Variants in AP1G1 observed in about 807,000 individuals in gnomAD.
AP1G1 encodes the protein AP-1 complex subunit gamma-1.
A neutral mutation model predicts 108.3 loss-of-function variants in AP1G1; 7 were observed. The ratio of observed to expected loss-of-function variants is 0.06; its 90% CI spans 0.04 to 0.12. AP1G1 has a LOEUF of 0.12. Ranked by LOEUF, AP1G1 falls within the 10% of genes least tolerant of loss-of-function variation. The pLI is 1.00. For missense variants in AP1G1, 756 were observed against 1,010.7 expected (o/e 0.75, Z 3.42); for synonymous variants, 379 against 353.5 (o/e 1.07, Z -0.81).
At chr16:71,788,902 C>T (rs1284193667) in intron 2 of AP1G1, among the ~76,000 whole-genome samples, 2 of 151,996 alleles carry the variant, frequency 1.3e-5, no homozygotes, top group East Asian at 3.9e-4. Context: ...AGTGATTCTC[C>T]CACTTCAGTG....
At chr16:71,761,465 C>T in intron 10 of AP1G1, 47 bp downstream of exon 10, 1 of 1,306,630 alleles carries the variant, frequency 7.7e-7, no homozygotes, top group Non-Finnish European at 1.1e-6. Flanking sequence ...TCTTAAAATA[C>T]TGGGCTTATA....
rs1041303298 is a variant in AP1G1 at position 71,745,228 on chromosome 16, G to C, written c.1915C>G (p.Pro639Ala). ...LDLLGGNDIT[P>A]VIPTAPTSKP... ...CTTGTAGGCGCAGTTGGAATAACAG[G>C]TGTTATGTCATTTCCTCCCAACAAA... The change falls in exon 19 of 23, where the codon CCT (proline) becomes GCT (alanine). Residue 639 changes from proline (P) to alanine (A), a missense_variant. By Grantham distance (27) the Pro-to-Ala change is conservative. Around this residue, in one of 3 missense-constraint regions of AP1G1, gnomAD observed 357 missense variants for 366.5 expected, o/e 0.97. Coordinates refer to ENST00000299980, the MANE Select transcript of AP1G1 (RefSeq NM_001128.6). 6.2e-6 allele frequency: 10 copies of C among 1,614,192 alleles called. No individual in the cohort carries two copies. Among genetic ancestry groups the C allele is most frequent in the Non-Finnish European group, 8.5e-6 (10 of 1,180,032 alleles).
intron 9 of AP1G1, among the ~76,000 whole-genome samples, chr16:71,763,941 T>C (rs894845177): frequency 1.3e-5 from 2 of 152,210 alleles, no homozygotes; most frequent in South Asian, 4.1e-4. Flanking sequence ...CCAGATCCTC[T>C]GGTGGATACT....
chr16:71,741,036 T>C (rs1174367284), intron 19 of AP1G1, among the ~76,000 whole-genome samples: 1 of 152,054 alleles, frequency 6.6e-6, no homozygotes, highest in African/African-American at 2.4e-5. Context: ...AACTTGACAA[T>C]CATACAATAG....
At chr16:71,772,226 G>A (rs1401419490) in intron 4 of AP1G1, among the ~76,000 whole-genome samples, 1 of 151,988 alleles carries the variant, frequency 6.6e-6, no homozygotes, top group African/African-American at 2.4e-5. Context: ...CGCCTCCTGG[G>A]TTCACATCAT....
At chr16:71,758,352 C>A (rs1272983360) in intron 11 of AP1G1, 2 of 496,690 alleles carry the variant, frequency 4.0e-6, no homozygotes, top group Admixed American at 4.1e-5. Context: ...ATACACTGTT[C>A]TAAGCAATAT....
chr16:71,753,971 G>A, intron 12 of AP1G1, 84 bp from the exon 13 acceptor site: 2 of 1,282,470 alleles, frequency 1.6e-6, no homozygotes, highest in South Asian at 2.5e-5. Context: ...CAAGCAGGGT[G>A]ACTCACACCT....
At chr16:71,762,146 T>C (rs2031116544) in intron 9 of AP1G1, among the ~76,000 whole-genome samples, 1 of 152,120 alleles carries the variant, frequency 6.6e-6, no homozygotes, top group Non-Finnish European at 1.5e-5. Flanking sequence ...AATTATACTA[T>C]GGCACACCCA....
At chr16:71,799,031 G>A (rs908011353) in intron 1 of AP1G1, among the ~76,000 whole-genome samples, 3 of 151,934 alleles carry the variant, frequency 2.0e-5, no homozygotes, top group African/African-American at 4.8e-5. Context: ...GACAATTCTC[G>A]GTAAAGGAAA....
rs1017808430 is a variant in AP1G1 at position 71,808,156 on chromosome 16, A to T, written c.-4+607T>A. On this transcript the variant is annotated intron_variant, in intron 1 of 22. Transcript: ENST00000299980. ...GACGTCCGCAGGGCCAGGAGCTGAG[A>T]AAAGGGTAAACAGTATACTCGCAGG... The T allele has an allele frequency of 7.8e-6, 9 of 1,149,108 alleles. No individual in the cohort carries two copies. In the Admixed American group the frequency reaches 3.8e-4, roughly 49 times the overall value. The allele number at this position is 1,149,108 out of a possible 1,614,324, so 71.2% of individuals were successfully genotyped here. A position where few individuals can be genotyped will look rare whatever the true frequency, so the allele number is the denominator to read the frequency against.
At chr16:71,754,787 A>T (rs1442224311) in intron 12 of AP1G1, among the ~76,000 whole-genome samples, 3 of 151,946 alleles carry the variant, frequency 2.0e-5, no homozygotes, top group Non-Finnish European at 4.4e-5. Context: ...GTGACAGAGC[A>T]AGACTCCGTT....
chr16:71,767,893 A>G, intron 6 of AP1G1: 2 of 1,599,324 alleles, frequency 1.3e-6, no homozygotes, highest in Non-Finnish European at 1.7e-6. Flanking sequence ...ATTCTAACAT[A>G]CAGCAGGATT....
intron 12 of AP1G1, 159 bp downstream of exon 12, chr16:71,755,859 TG>T: frequency 1.4e-6 from 1 of 714,644 alleles, no homozygotes; most frequent in Non-Finnish European, 2.3e-6. Context: ...TTGGCCAGGC[TG>T]GTCTCGAACT....
At chr16:71,775,732 C>G (rs1042558933) in intron 2 of AP1G1, among the ~76,000 whole-genome samples, 6 of 152,146 alleles carry the variant, frequency 3.9e-5, no homozygotes, top group African/African-American at 1.4e-4. Flanking sequence ...ACATTCAGAG[C>G]TTGATCCAAG....
intron 1 of AP1G1, among the ~76,000 whole-genome samples, chr16:71,795,862 G>A (rs1398092345): frequency 6.6e-6 from 1 of 152,200 alleles, no homozygotes; most frequent in Non-Finnish European, 1.5e-5. Flanking sequence ...GAAGAAATGT[G>A]TTCACAGAAG....
intron 12 of AP1G1, among the ~76,000 whole-genome samples, chr16:71,755,333 G>T (rs1257702354): frequency 1.3e-5 from 2 of 151,854 alleles, no homozygotes; most frequent in Non-Finnish European, 2.9e-5. Flanking sequence ...GCTACTTGGG[G>T]GGCTGAGGCA....
chr16:71,804,069 CAA>C (rs1236136667), intron 1 of AP1G1, among the ~76,000 whole-genome samples: 2 of 150,548 alleles, frequency 1.3e-5, no homozygotes, highest in Non-Finnish European at 2.9e-5. Context: ...TTTTTGGAGA[CAA>C]GAGTCTCGCT....
chr16:71,785,576 A>AG, intron 2 of AP1G1, among the ~76,000 whole-genome samples: 2 of 23,934 alleles, frequency 8.4e-5, no homozygotes, highest in East Asian at 1.3e-3. Flanking sequence ...ACCCTGCCTC[A>AG]AAAAAAAAAA....
chr16:71,768,797 C>G (rs946017975), intron 6 of AP1G1, among the ~76,000 whole-genome samples: 1 of 150,336 alleles, frequency 6.7e-6, no homozygotes, highest in African/African-American at 2.4e-5. Context: ...CACCTGCAGT[C>G]CCAGCTACTT....
Sources: gnomAD v4.1 joint callset for allele counts (sites outside exome capture counted in the v4.1 genomes callset) on GRCh38, gnomAD v4.1.1 for gene constraint, gnomAD v4.1.1 regional missense constraint, MANE v1.5 for transcripts, NCBI Gene and HGNC (gene_info 2026-07-23, HGNC 2026-07-21) for gene names.